Variants in MARCHF1 observed in about 807,000 individuals in gnomAD.
MARCHF1 encodes membrane associated ring-CH-type finger 1.
In MARCHF1, 40 loss-of-function variants were observed where a neutral mutation model predicts 54.2. That is an observed-to-expected ratio of 0.74 (90% CI 0.57 to 0.96). MARCHF1 has a LOEUF of 0.96. Among genes scored for constraint, MARCHF1 ranks in the 40% least tolerant of loss-of-function variants. The pLI is 0.00. For missense variants in MARCHF1, 586 were observed against 656.5 expected (o/e 0.89, Z 1.17); for synonymous variants, 236 against 236.3 (o/e 1.00, Z 0.01).
At chr4:163,834,614 C>T (rs868706068) in intron 4 of MARCHF1, among the ~76,000 whole-genome samples, 1 of 127,698 alleles carries the variant, frequency 7.8e-6, no homozygotes, top group Non-Finnish European at 1.6e-5. Flanking sequence ...CCCCCCACCC[C>T]ACAACAGTCC....
chr4:163,549,680 ATTT>A (rs34896630), intron 8 of MARCHF1, among the ~76,000 whole-genome samples: 229 of 144,566 alleles, frequency 1.6e-3, no homozygotes, highest in Middle Eastern at 3.5e-3. Context: ...CTTGCTTTTG[ATTT>A]TTTTTTTTTT....
At chr4:164,097,629 TA>T (rs762308423) in intron 2 of MARCHF1, among the ~76,000 whole-genome samples, 24 of 152,282 alleles carry the variant, frequency 1.6e-4, no homozygotes, top group Admixed American at 2.6e-4. Context: ...GTATATGTAT[TA>T]AAAATATTAA....
chr4:164,349,945 A>C (rs1236831540), intron 1 of MARCHF1, among the ~76,000 whole-genome samples: 1 of 152,142 alleles, frequency 6.6e-6, no homozygotes, highest in African/African-American at 2.4e-5. Context: ...TGGAATTTCA[A>C]CTCTATCACT....
chr4:163,676,324 T>C (rs1332225119), intron 5 of MARCHF1, among the ~76,000 whole-genome samples: 1 of 145,728 alleles, frequency 6.9e-6, no homozygotes. Context: ...GCCATTGCAC[T>C]CCAGCCTGGG....
chr4:163,647,542 A>G (rs573917429), intron 5 of MARCHF1, among the ~76,000 whole-genome samples: 2 of 152,176 alleles, frequency 1.3e-5, no homozygotes, highest in African/African-American at 2.4e-5. Flanking sequence ...AAATTTAAAA[A>G]GACTAAAATT....
rs1738219085 is a variant in MARCHF1 at position 163,528,494 on chromosome 4, T to C, written c.*254A>G. 9.0e-6 allele frequency: 4 copies of C among 445,598 alleles called. No homozygotes were observed. In the South Asian group the frequency reaches 1.4e-4, roughly 16 times the overall value. The allele number at this position is 445,598 out of a possible 1,614,324, so 27.6% of individuals were successfully genotyped here. Reference sequence around the variant, plus strand: ...CATTCATTGCCCCAGTAGTTCTTAATTGTCTTGGAAATCATTCTCTTGCAA... The same window carrying C: ...CATTCATTGCCCCAGTAGTTCTTAACTGTCTTGGAAATCATTCTCTTGCAA... On this transcript the variant is annotated 3_prime_UTR_variant, in exon 10 of 10. Coordinates refer to ENST00000514618, the MANE Select transcript of MARCHF1 (RefSeq NM_001394959.1).
intron 7 of MARCHF1, among the ~76,000 whole-genome samples, chr4:163,599,854 C>T (rs568382822): frequency 2.6e-5 from 4 of 152,276 alleles, no homozygotes; most frequent in East Asian, 3.9e-4. Flanking sequence ...GGGCTTCCCC[C>T]GCAAAGGGTC....
chr4:164,295,340 G>T (rs1734382529), intron 1 of MARCHF1, among the ~76,000 whole-genome samples: 1 of 152,042 alleles, frequency 6.6e-6, no homozygotes, highest in South Asian at 2.1e-4. Context: ...TGCCCTTCTT[G>T]CATCTGCTGT....
Position 163,544,323 on chromosome 4 carries a change from G to A in MARCHF1, c.1339+1273C>T, listed in dbSNP as rs545638593. On this transcript the variant is annotated intron_variant, in intron 9 of 9. Transcript: ENST00000514618. ...TAATGGTATGTAAATGAGTTAATAT[G>A]GAATAAATAAACACATAAAAACAAC... 3.9e-5 allele frequency among the ~76,000 whole-genome samples: 6 copies of A among 152,242 alleles called. No individual in the cohort carries two copies. The South Asian group carries it at 1.2e-3, about 32-fold the overall frequency.
chr4:163,564,182 G>A (rs1479185112), intron 8 of MARCHF1, among the ~76,000 whole-genome samples: 3 of 152,138 alleles, frequency 2.0e-5, no homozygotes, highest in Admixed American at 6.5e-5. Context: ...TCTTTTGTGC[G>A]TTGAGATGGA....
chr4:163,761,108 T>A lies in MARCHF1; in HGVS notation c.112-60245A>T, dbSNP rs144333938. On this transcript the variant is annotated intron_variant, in intron 4 of 9. Transcript: ENST00000514618. ...ATATTACTTGTATTTGTGGGACAGTTATTTCAAAATGAGAAAAATACAAGA... is the reference window on the plus strand; with the variant it reads ...ATATTACTTGTATTTGTGGGACAGTAATTTCAAAATGAGAAAAATACAAGA... 2.9e-3 allele frequency among the ~76,000 whole-genome samples: 447 copies of A among 152,350 alleles called. 2 individuals are homozygous for A. Among genetic ancestry groups the A allele is most frequent in the Admixed American group, 5.0e-3 (77 of 15,302 alleles).
chr4:163,883,116 C>T (rs116320528), intron 3 of MARCHF1, among the ~76,000 whole-genome samples: 224 of 152,194 alleles, frequency 1.5e-3, no homozygotes, highest in African/African-American at 4.6e-3. Context: ...CTCAGATGCA[C>T]GGGAGTTGCT....
intron 1 of MARCHF1, among the ~76,000 whole-genome samples, chr4:164,336,771 T>G (rs947287378): frequency 3.9e-5 from 6 of 152,182 alleles, no homozygotes; most frequent in African/African-American, 1.4e-4. Flanking sequence ...CTGAAAAAGA[T>G]CTGTCTCATC....
At chr4:163,876,962 C>A (rs527841326) in intron 3 of MARCHF1, among the ~76,000 whole-genome samples, 1 of 152,072 alleles carries the variant, frequency 6.6e-6, no homozygotes, top group South Asian at 2.1e-4. Flanking sequence ...AAAAAGATAA[C>A]CTTATGGATT....
intron 8 of MARCHF1, among the ~76,000 whole-genome samples, chr4:163,562,463 G>A (rs938033852): frequency 5.3e-5 from 8 of 152,136 alleles, no homozygotes; most frequent in Admixed American, 5.2e-4. Flanking sequence ...ATTCAAGAGT[G>A]TTAGTCTCTA....
At chr4:164,033,827 G>C (rs938511757) in intron 2 of MARCHF1, among the ~76,000 whole-genome samples, 1 of 152,148 alleles carries the variant, frequency 6.6e-6, no homozygotes, top group African/African-American at 2.4e-5. Flanking sequence ...TTGTTGGCGG[G>C]AATGTAAGTT....
At chr4:163,708,861 G>A (rs72993147) in intron 4 of MARCHF1, among the ~76,000 whole-genome samples, 16 of 152,156 alleles carry the variant, frequency 1.1e-4, no homozygotes, top group African/African-American at 3.9e-4. Context: ...AAAAGAGAAT[G>A]TTAGAGCTCT....
At chr4:163,715,747 ATAAAT>A (rs1745237284) in intron 4 of MARCHF1, among the ~76,000 whole-genome samples, 1 of 145,882 alleles carries the variant, frequency 6.9e-6, no homozygotes, top group South Asian at 2.2e-4. Context: ...ATAAAATAAA[ATAAAT>A]AAGGGCTAGT....
intron 1 of MARCHF1, among the ~76,000 whole-genome samples, chr4:164,245,379 G>T (rs575363250): frequency 2.6e-5 from 4 of 152,160 alleles, no homozygotes; most frequent in African/African-American, 9.7e-5. Flanking sequence ...TGCAGAAAAG[G>T]CCTCTGACAA....
Sources: gnomAD v4.1 joint callset for allele counts (sites outside exome capture counted in the v4.1 genomes callset) on GRCh38, gnomAD v4.1.1 for gene constraint, MANE v1.5 for transcripts, NCBI Gene and HGNC (gene_info 2026-07-23, HGNC 2026-07-21) for gene names.